WDR72: variants seen among roughly 807,000 people sequenced by gnomAD.
WDR72 encodes the protein WD repeat-containing protein 72.
Under a neutral mutation model 124.2 loss-of-function variants are expected in WDR72, and 120 were observed. The observed-to-expected ratio is 0.97, with a 90% CI of 0.83 to 1.12. The LOEUF is 1.12. Ranked by LOEUF, WDR72 falls within the 50% of genes most tolerant of loss-of-function variation. The probability of loss-of-function intolerance (pLI) is 0.00; values close to 1 mark genes in which losing one functional copy is unlikely to be tolerated. For missense variants in WDR72, 1,387 were observed against 1,278.8 expected (o/e 1.08, Z -1.29); for synonymous variants, 452 against 441.7 (o/e 1.02, Z -0.29).
chr15:53,746,577 T>C (rs1321245213), intron 1 of WDR72, among the ~76,000 whole-genome samples: 1 of 152,332 alleles, frequency 6.6e-6, no homozygotes, highest in East Asian at 1.9e-4. Context: ...CTGCCACTTA[T>C]AGTTATGTGA....
intron 13 of WDR72, among the ~76,000 whole-genome samples, chr15:53,682,391 G>T (rs1020949219): frequency 6.6e-6 from 1 of 152,096 alleles, no homozygotes; most frequent in Non-Finnish European, 1.5e-5. Flanking sequence ...TCTCTACATT[G>T]AAATAAAATA....
intron 12 of WDR72, among the ~76,000 whole-genome samples, chr15:53,700,154 G>A (rs920450071): frequency 6.6e-6 from 1 of 152,188 alleles, no homozygotes; most frequent in African/African-American, 2.4e-5. Context: ...AACTTCACAG[G>A]AAGGTCAAAA....
intron 18 of WDR72, among the ~76,000 whole-genome samples, chr15:53,558,623 G>A (rs1894012828): frequency 6.6e-6 from 1 of 151,996 alleles, no homozygotes; most frequent in Non-Finnish European, 1.5e-5. Flanking sequence ...TTAATGGGAT[G>A]CTGAATTGAT....
intron 2 of WDR72, among the ~76,000 whole-genome samples, chr15:53,729,872 A>G (rs1362122215): frequency 6.6e-6 from 1 of 152,228 alleles, no homozygotes; most frequent in Non-Finnish European, 1.5e-5. Flanking sequence ...TGCAGGTGGG[A>G]ATGCAAAGTG....
chr15:53,600,357 T>A (rs1267652450), intron 17 of WDR72, among the ~76,000 whole-genome samples: 2 of 152,184 alleles, frequency 1.3e-5, no homozygotes, highest in East Asian at 3.9e-4. Context: ...ATTTTAATAA[T>A]GAGCTAGTAT....
chr15:53,675,247 G>A (rs1358070456), intron 13 of WDR72, among the ~76,000 whole-genome samples: 2 of 151,634 alleles, frequency 1.3e-5, no homozygotes, highest in Non-Finnish European at 2.9e-5. Flanking sequence ...GCAAGCTGAG[G>A]CAGAAGAATC....
At chr15:53,667,329 G>C (rs2015813348) in intron 13 of WDR72, among the ~76,000 whole-genome samples, 1 of 152,140 alleles carries the variant, frequency 6.6e-6, no homozygotes, top group South Asian at 2.1e-4. Context: ...ACTCCAGCCT[G>C]GGTGACAGAA....
At chr15:53,687,757 CA>C (rs1187725708) in intron 13 of WDR72, among the ~76,000 whole-genome samples, 1 of 147,578 alleles carries the variant, frequency 6.8e-6, no homozygotes, top group Non-Finnish European at 1.5e-5. Context: ...GAGACACAAC[CA>C]AAAAAGAGAA....
chr15:53,540,667 C>T (rs540834251), intron 18 of WDR72, among the ~76,000 whole-genome samples: 3 of 152,120 alleles, frequency 2.0e-5, no homozygotes, highest in African/African-American at 4.8e-5. Flanking sequence ...CGAACAGCTC[C>T]GGTCTACAGC....
chr15:53,686,160 C>T (rs925845102), intron 13 of WDR72, among the ~76,000 whole-genome samples: 1 of 145,372 alleles, frequency 6.9e-6, no homozygotes, highest in Admixed American at 6.9e-5. Context: ...AACTAATGAG[C>T]AAAATCACCA....
chr15:53,702,501 GATC>G (rs1467336585), intron 11 of WDR72, 147 bp from the exon 12 acceptor site: 6 of 668,636 alleles, frequency 9.0e-6, no homozygotes, highest in Non-Finnish European at 1.5e-5. Flanking sequence ...AACATCCTTA[GATC>G]ATCTTGAAAA....
At position 53,653,881 on chromosome 15, in the gene WDR72, G is replaced by A. The variant is rs193086159; in HGVS notation, c.1962+11691C>T. 8.0e-4 allele frequency among the ~76,000 whole-genome samples: 122 copies of A among 152,040 alleles called. 2 individuals carry two copies. The East Asian group carries it at 0.022, about 28-fold the overall frequency. On this transcript the variant is annotated intron_variant, in intron 14 of 19. Coordinates refer to ENST00000360509, the MANE Select transcript of WDR72 (RefSeq NM_182758.4). ...AAATAATAGAGTTCCTAGTTTAGGAGATATAATATATTTTAAAATAATAGT... is the reference window on the plus strand; with the variant it reads ...AAATAATAGAGTTCCTAGTTTAGGAAATATAATATATTTTAAAATAATAGT...
Position 53,716,573 on chromosome 15 carries a change from C to T in WDR72, c.339+34G>A, listed in dbSNP as rs1247362323. 4 of 1,424,492 alleles carry T rather than the reference C, an allele frequency of 2.8e-6. No homozygotes were observed. In the Admixed American group the frequency reaches 6.7e-5, roughly 24 times the overall value. The allele number at this position is 1,424,492 out of a possible 1,614,324, so 88.2% of individuals were successfully genotyped here. On this transcript the variant is annotated intron_variant, in intron 4 of 19. Coordinates refer to ENST00000360509, the MANE Select transcript of WDR72 (RefSeq NM_182758.4). Reference sequence around the variant, plus strand: ...AAATGCCCTAAACAAGTTGCAGAATCTAGAAATGCCCTGAAGGAAGTGAGT... The same window carrying T: ...AAATGCCCTAAACAAGTTGCAGAATTTAGAAATGCCCTGAAGGAAGTGAGT...
intron 13 of WDR72, among the ~76,000 whole-genome samples, chr15:53,697,894 C>T (rs575276046): frequency 1.2e-3 from 190 of 152,174 alleles, no homozygotes; most frequent in African/African-American, 4.5e-3. Flanking sequence ...CTGCAAGCTC[C>T]GCCTCCCGGG....
intron 17 of WDR72, among the ~76,000 whole-genome samples, chr15:53,606,252 T>C (rs2013277244): frequency 6.6e-6 from 1 of 152,230 alleles, no homozygotes; most frequent in Admixed American, 6.5e-5. Context: ...TCCTTCTTTT[T>C]AATAATTTTT....
chr15:53,573,466 AT>A (rs1894632051), intron 18 of WDR72, among the ~76,000 whole-genome samples: 1 of 151,860 alleles, frequency 6.6e-6, no homozygotes. Context: ...TATTCCATAA[AT>A]GTCATTTGAT....
intron 18 of WDR72, among the ~76,000 whole-genome samples, chr15:53,529,059 T>C (rs1437296232): frequency 6.6e-6 from 1 of 150,904 alleles, no homozygotes; most frequent in Non-Finnish European, 1.5e-5. Context: ...AAACTTCTTA[T>C]TAATGCCAAA....
chr15:53,659,699 T>G (rs1044053888), intron 14 of WDR72, among the ~76,000 whole-genome samples: 1 of 124,474 alleles, frequency 8.0e-6, no homozygotes. Context: ...CATAAGGCAG[T>G]TATAAAAAAA....
At chr15:53,540,338 T>C (rs1233751855) in intron 18 of WDR72, among the ~76,000 whole-genome samples, 1 of 152,130 alleles carries the variant, frequency 6.6e-6, no homozygotes, top group African/African-American at 2.4e-5. Context: ...TTACCAAAAC[T>C]GGCCACATCT....
Sources: gnomAD v4.1 joint callset for allele counts (sites outside exome capture counted in the v4.1 genomes callset) on GRCh38, gnomAD v4.1.1 for gene constraint, MANE v1.5 for transcripts, NCBI Gene and HGNC (gene_info 2026-07-23, HGNC 2026-07-21) for gene names.